The following GART variants were observed in gnomAD, a reference collection of about 807,000 sequenced individuals.
GART encodes phosphoribosylglycinamide formyltransferase, phosphoribosylglycinamide synthetase, phosphoribosylaminoimidazole synthetase.
In GART, 43 loss-of-function variants were observed where a neutral mutation model predicts 107.2. The observed-to-expected ratio is 0.40, with a 90% CI of 0.31 to 0.52. The LOEUF (loss-of-function observed/expected upper bound fraction) is 0.52, where lower values mean the gene tolerates loss of function less well. Among genes scored for constraint, GART ranks in the 20% least tolerant of loss-of-function variants. The pLI is 0.52. For missense variants in GART, 1,107 were observed against 1,206.5 expected (o/e 0.92, Z 1.22); for synonymous variants, 434 against 427.0 (o/e 1.02, Z -0.20).
intron 10 of GART, among the ~76,000 whole-genome samples, chr21:33,527,611 C>T (rs991534587): frequency 3.9e-5 from 6 of 152,028 alleles, no homozygotes; most frequent in African/African-American, 1.2e-4. Flanking sequence ...TTTGGACTTA[C>T]GGCACTGGAA....
Position 33,535,283 on chromosome 21 carries a change from G to C in GART, c.183C>G (p.Phe61Leu), listed in dbSNP as rs779399851. The C allele has an allele frequency of 1.6e-5, 22 of 1,340,282 alleles. 1 individual carries two copies. Among genetic ancestry groups the C allele is most frequent in the Non-Finnish European group, 2.1e-5 (21 of 1,011,484 alleles). 83.0% of individuals were successfully genotyped at this position (1,340,282 alleles called of 1,614,324 possible). A position where few individuals can be genotyped will look rare whatever the true frequency, so the allele number is the denominator to read the frequency against. The change falls in exon 3 of 22, where the codon TTC (phenylalanine) becomes TTG (leucine). Residue 61 changes from phenylalanine (F) to leucine (L), a missense_variant. By Grantham distance (22) the Phe-to-Leu change is conservative (BLOSUM62 0). Coordinates refer to ENST00000381815, the MANE Select transcript of GART (RefSeq NM_000819.5). The stretch of plus-strand genomic sequence containing the variant: ...CAAATTCAATTTTCTTCTCTTTGCA[G>C]AATTGAGCAAGGGCAGTGTGGTCAC... ...SISDHTALAQ[F>L]CKEKKIEFVV...
In GART at chr21:33,528,618, G is replaced by C; in HGVS notation, c.812-14C>G. 9.5e-7 allele frequency: 1 copy of C among 1,049,844 alleles called. No individual in the cohort carries two copies. Among genetic ancestry groups the C allele is most frequent in the African/African-American group, 1.9e-5 (1 of 52,614 alleles). 65.0% of individuals were successfully genotyped at this position (1,049,844 alleles called of 1,614,324 possible). On this transcript the variant is annotated splice_polypyrimidine_tract_variant and intron_variant, in intron 8 of 21. Coordinates refer to ENST00000381815, the MANE Select transcript of GART (RefSeq NM_000819.5). ...CATAGAGAATACCTTCATTAAAAAAGAAAAAAAAAAAAAAGAGAGAAAGAA... is the reference window on the plus strand; with the variant it reads ...CATAGAGAATACCTTCATTAAAAAACAAAAAAAAAAAAAAGAGAGAAAGAA...
chr21:33,530,930 TAAAA>T (rs763359438), intron 6 of GART, 46 bp from the exon 7 acceptor site: 15 of 1,257,098 alleles, frequency 1.2e-5, no homozygotes, highest in Non-Finnish European at 1.6e-5. Flanking sequence ...TGTCAAAAAC[TAAAA>T]AAAAAAATTT....
chr21:33,519,957 T>C (rs1280669333), intron 14 of GART, among the ~76,000 whole-genome samples: 5 of 152,092 alleles, frequency 3.3e-5, no homozygotes, highest in African/African-American at 4.8e-5. Context: ...TATGTCACTC[T>C]ATGGGAAAAT....
At chr21:33,507,833 A>G (rs1190143455) in intron 18 of GART, among the ~76,000 whole-genome samples, 2 of 151,962 alleles carry the variant, frequency 1.3e-5, no homozygotes, top group Non-Finnish European at 2.9e-5. Flanking sequence ...CTCTATCTCA[A>G]AAACAAAAAC....
At chr21:33,518,744 C>A in intron 14 of GART, 1 of 451,752 alleles carries the variant, frequency 2.2e-6, no homozygotes, top group Non-Finnish European at 4.4e-6. Context: ...ACCATCCCCT[C>A]CATTAGCAAG....
intron 18 of GART, among the ~76,000 whole-genome samples, chr21:33,508,878 A>G (rs951894043): frequency 6.6e-6 from 1 of 152,148 alleles, no homozygotes; most frequent in African/African-American, 2.4e-5. Context: ...AAGTGAGAAC[A>G]TGCAATATCT....
intron 18 of GART, among the ~76,000 whole-genome samples, chr21:33,506,396 G>A (rs1327624841): frequency 1.3e-5 from 2 of 152,006 alleles, no homozygotes; most frequent in South Asian, 2.1e-4. Context: ...CGCCCACCTC[G>A]GCCTCCCAAA....
In GART at chr21:33,532,386, T is replaced by C. The variant is rs1450063928; in HGVS notation, c.487A>G (p.Ser163Gly). ...ACAGCTTTGCAGGCCTCTTCTTTGC[T>C]CTTTGCAACAATCACCCCTTTTCCA... Reference protein sequence around the residue: ...AAGKGVIVAKSKEEACKAVQE... With the variant: ...AAGKGVIVAKGKEEACKAVQE... The change falls in exon 5 of 22, where the codon AGC (serine) becomes GGC (glycine). Residue 163 changes from serine (S) to glycine (G), a missense_variant. Physicochemically the swap from Ser to Gly is moderately conservative, Grantham distance 56. Transcript: ENST00000381815. 5.0e-6 allele frequency: 8 copies of C among 1,614,120 alleles called. No individual in the cohort carries two copies. The highest frequency in any genetic ancestry group is 6.8e-6 in the Non-Finnish European group (8 of 1,180,004).
intron 16 of GART, among the ~76,000 whole-genome samples, chr21:33,515,632 G>A (rs1205874569): frequency 1.4e-4 from 15 of 105,946 alleles, no homozygotes; most frequent in Middle Eastern, 0.013. Context: ...CCAGCCTGGC[G>A]ACAGAGCAAG....
chr21:33,525,319 T>C (rs1379883441), intron 10 of GART, among the ~76,000 whole-genome samples: 5 of 152,148 alleles, frequency 3.3e-5, no homozygotes, highest in Admixed American at 3.3e-4. Flanking sequence ...GAGGCTGCAG[T>C]GAGGTGTGAT....
intron 18 of GART, among the ~76,000 whole-genome samples, chr21:33,507,015 T>TA (rs1054755055): frequency 5.3e-5 from 8 of 151,472 alleles, no homozygotes; most frequent in Non-Finnish European, 1.0e-4. Flanking sequence ...CCTCAAAAAT[T>TA]AAAAAAAAGA....
At chr21:33,533,670 A>G (rs1478716820) in intron 4 of GART, among the ~76,000 whole-genome samples, 5 of 151,956 alleles carry the variant, frequency 3.3e-5, no homozygotes, top group Non-Finnish European at 7.4e-5. Flanking sequence ...TTTGGGAGGC[A>G]GAGAGAGGCG....
Position 33,520,865 on chromosome 21 carries a change from T to C in GART, c.1503+41A>G, listed in dbSNP as rs757600768. ...TACATATTTGATATAAATTTCCTCATCTTTCCTAAAAGGCCTTTATTCACA... is the reference window on the plus strand; with the variant it reads ...TACATATTTGATATAAATTTCCTCACCTTTCCTAAAAGGCCTTTATTCACA... On this transcript the variant is annotated intron_variant, in intron 13 of 21. Coordinates refer to ENST00000381815, the MANE Select transcript of GART (RefSeq NM_000819.5). 3.6e-6 allele frequency: 5 copies of C among 1,396,996 alleles called. 1 individual carries two copies. In the African/African-American group the frequency reaches 5.8e-5, roughly 16 times the overall value. 86.5% of individuals were successfully genotyped at this position (1,396,996 alleles called of 1,614,324 possible).
At chr21:33,506,466 T>C (rs1341817933) in intron 18 of GART, among the ~76,000 whole-genome samples, 1 of 152,166 alleles carries the variant, frequency 6.6e-6, no homozygotes, top group Non-Finnish European at 1.5e-5. Context: ...AAAAGAGATG[T>C]GCCATTTTGA....
intron 18 of GART, among the ~76,000 whole-genome samples, chr21:33,508,871 T>A (rs1054662350): frequency 1.3e-5 from 2 of 152,148 alleles, no homozygotes; most frequent in Admixed American, 6.5e-5. Context: ...CACTCATAAG[T>A]GAGAACATGC....
At chr21:33,525,165 G>C (rs903325099) in intron 10 of GART, among the ~76,000 whole-genome samples, 165 bp from the exon 11 acceptor site, 4 of 151,244 alleles carry the variant, frequency 2.6e-5, no homozygotes, top group Admixed American at 6.6e-5. Flanking sequence ...GGCAAGGACT[G>C]CTTGAGTCCA....
chr21:33,520,107 G>A lies in GART; in HGVS notation c.1702+257C>T, dbSNP rs536152630. Reference sequence around the variant, plus strand: ...GATGTTAAAAGGTGGCCAAAAATTGGGAAGAAAGATAAGGCCTGCCTGACA... The same window carrying A: ...GATGTTAAAAGGTGGCCAAAAATTGAGAAGAAAGATAAGGCCTGCCTGACA... On this transcript the variant is annotated intron_variant, in intron 14 of 21. Transcript: ENST00000381815. 5.3e-5 allele frequency among the ~76,000 whole-genome samples: 8 copies of A among 152,168 alleles called. No individual in the cohort carries two copies. The East Asian group carries it at 1.2e-3, about 22-fold the overall frequency.
chr21:33,538,241 C>CAA (rs397866694), intron 2 of GART, among the ~76,000 whole-genome samples: 1,009 of 88,044 alleles, frequency 0.011, 41 homozygotes, highest in African/African-American at 0.025. Flanking sequence ...GACTCTGTCT[C>CAA]AAAAAAAAAA....
Sources: gnomAD v4.1 joint callset for allele counts (sites outside exome capture counted in the v4.1 genomes callset) on GRCh38, gnomAD v4.1.1 for gene constraint, MANE v1.5 for transcripts, NCBI Gene and HGNC (gene_info 2026-07-23, HGNC 2026-07-21) for gene names.